Variants in DNAJC15 observed in about 807,000 individuals in gnomAD.
DNAJC15 encodes dnaJ homolog subfamily C member 15.
A neutral mutation model predicts 22.4 loss-of-function variants in DNAJC15; 27 were observed. The observed-to-expected ratio is 1.20, with a 90% CI of 0.89 to 1.66. The LOEUF is 1.66. Ranked by LOEUF, DNAJC15 falls within the 40% of genes most tolerant of loss-of-function variation. The probability of loss-of-function intolerance (pLI) is 0.00; values close to 1 mark genes in which losing one functional copy is unlikely to be tolerated. For synonymous variants in DNAJC15, 79 were observed against 63.2 expected (o/e 1.25, Z -1.19); for missense variants, 208 against 187.1 (o/e 1.11, Z -0.65).
At position 43,081,584 on chromosome 13, in the gene DNAJC15, G is replaced by A. The variant is rs576985253; in HGVS notation, c.311+2896G>A. Among the ~76,000 whole-genome samples the A allele has an allele frequency of 3.1e-3, 464 of 151,764 alleles. 2 individuals are homozygous for A. Among genetic ancestry groups the A allele is most frequent in the African/African-American group, 0.011 (435 of 41,354 alleles). The stretch of plus-strand genomic sequence containing the variant: ...CTCCCAAGTAGCTGGGACTACAGGC[G>A]CCCACCACCACGCCTGGCTAATTTT... On this transcript the variant is annotated intron_variant, in intron 4 of 5. Coordinates refer to ENST00000379221, the MANE Select transcript of DNAJC15 (RefSeq NM_013238.3).
intron 1 of DNAJC15, among the ~76,000 whole-genome samples, chr13:43,032,181 G>C (rs1037181492): frequency 6.6e-6 from 1 of 152,172 alleles, no homozygotes; most frequent in Non-Finnish European, 1.5e-5. Context: ...TGTTTTCACT[G>C]TCCAGTCTTT....
At chr13:43,101,064 T>G (rs1375334224) in intron 5 of DNAJC15, among the ~76,000 whole-genome samples, 1 of 152,238 alleles carries the variant, frequency 6.6e-6, no homozygotes, top group Non-Finnish European at 1.5e-5. Flanking sequence ...CATTAGCCAC[T>G]CTAGCTTTTC....
At chr13:43,070,508 T>G (rs941517402) in intron 3 of DNAJC15, among the ~76,000 whole-genome samples, 30 of 152,096 alleles carry the variant, frequency 2.0e-4, no homozygotes, top group Admixed American at 7.9e-4. Flanking sequence ...CGAGTGCTTT[T>G]GAGAAAACCA....
Position 43,107,338 on chromosome 13 carries a change from A to T in DNAJC15, c.*90A>T. The T allele has an allele frequency of 9.3e-7, 1 of 1,078,502 alleles. No homozygotes were observed. Among genetic ancestry groups the T allele is most frequent in the Non-Finnish European group, 1.3e-6 (1 of 788,552 alleles). 66.8% of individuals were successfully genotyped at this position (1,078,502 alleles called of 1,614,324 possible). ...AATATTCTAAAACATGGTCTTCTTA[A>T]TTTTCTATATGGATTGACCACAGTC... On this transcript the variant is annotated 3_prime_UTR_variant, in exon 6 of 6. Coordinates refer to ENST00000379221, the MANE Select transcript of DNAJC15 (RefSeq NM_013238.3).
At chr13:43,060,714 G>A (rs890757381) in intron 1 of DNAJC15, among the ~76,000 whole-genome samples, 3 of 152,190 alleles carry the variant, frequency 2.0e-5, no homozygotes, top group Admixed American at 6.5e-5. Flanking sequence ...AAAACCAGGA[G>A]CCACTAAATA....
intron 1 of DNAJC15, among the ~76,000 whole-genome samples, chr13:43,026,506 G>C (rs984591981): frequency 4.6e-5 from 7 of 152,078 alleles, no homozygotes; most frequent in African/African-American, 1.7e-4. Flanking sequence ...TGTTGGTCCA[G>C]GCAATGACCA....
At chr13:43,061,012 A>T (rs2040556317) in intron 1 of DNAJC15, among the ~76,000 whole-genome samples, 1 of 152,164 alleles carries the variant, frequency 6.6e-6, no homozygotes, top group Non-Finnish European at 1.5e-5. Flanking sequence ...ATGGGGCCTG[A>T]GAAATTCCTG....
intron 1 of DNAJC15, among the ~76,000 whole-genome samples, chr13:43,052,327 G>A (rs917121793): frequency 2.0e-5 from 3 of 152,034 alleles, no homozygotes; most frequent in African/African-American, 7.2e-5. Flanking sequence ...TTATGGGTTT[G>A]ATTTGCATTT....
At chr13:43,065,787 T>G in intron 2 of DNAJC15, 50 bp downstream of exon 2, 1 of 1,552,508 alleles carries the variant, frequency 6.4e-7, no homozygotes, top group Non-Finnish European at 8.9e-7. Flanking sequence ...TCTTTCCAAA[T>G]AGCATCTACA....
At chr13:43,100,237 T>TC (rs2040761078) in intron 5 of DNAJC15, among the ~76,000 whole-genome samples, 1 of 143,318 alleles carries the variant, frequency 7.0e-6, no homozygotes, top group Admixed American at 7.2e-5. Flanking sequence ...AAACAGGGTC[T>TC]CACTCTGTCA....
intron 1 of DNAJC15, among the ~76,000 whole-genome samples, chr13:43,042,546 A>G (rs1350766680): frequency 6.6e-6 from 1 of 152,212 alleles, no homozygotes; most frequent in Admixed American, 6.5e-5. Flanking sequence ...CAAGTGCTCC[A>G]GCTCCCAAAC....
chr13:43,062,106 G>A (rs977764561), intron 1 of DNAJC15, among the ~76,000 whole-genome samples: 3 of 151,972 alleles, frequency 2.0e-5, no homozygotes, highest in African/African-American at 7.2e-5. Context: ...TGTTTTCAGA[G>A]GTGTGACCAT....
At chr13:43,032,725 T>A (rs547013915) in intron 1 of DNAJC15, among the ~76,000 whole-genome samples, 7 of 152,260 alleles carry the variant, frequency 4.6e-5, no homozygotes, top group Admixed American at 1.3e-4. Flanking sequence ...CTCGGGAGGC[T>A]GAGGCAGGAG....
intron 4 of DNAJC15, among the ~76,000 whole-genome samples, chr13:43,080,550 C>T (rs137943220): frequency 1.3e-5 from 2 of 152,340 alleles, no homozygotes; most frequent in Non-Finnish European, 2.9e-5. Flanking sequence ...TTACTAACTA[C>T]TCAATAAATA....
chr13:43,074,373 AT>A (rs1447710954), intron 3 of DNAJC15, among the ~76,000 whole-genome samples: 1 of 152,242 alleles, frequency 6.6e-6, no homozygotes, highest in Non-Finnish European at 1.5e-5. Flanking sequence ...TATTTTATGA[AT>A]GGGATAGTAC....
At chr13:43,051,465 A>G (rs1408111550) in intron 1 of DNAJC15, among the ~76,000 whole-genome samples, 3 of 152,216 alleles carry the variant, frequency 2.0e-5, no homozygotes, top group Admixed American at 6.5e-5. Context: ...CGTTGTATCA[A>G]TTCTTATGCC....
At chr13:43,072,079 C>G (rs1276714057) in intron 3 of DNAJC15, among the ~76,000 whole-genome samples, 2 of 152,168 alleles carry the variant, frequency 1.3e-5, no homozygotes, top group African/African-American at 4.8e-5. Flanking sequence ...ATACTCACAG[C>G]TAGATTTTTT....
chr13:43,077,536 C>T (rs2040639275), intron 3 of DNAJC15, among the ~76,000 whole-genome samples: 1 of 152,128 alleles, frequency 6.6e-6, no homozygotes, highest in African/African-American at 2.4e-5. Flanking sequence ...TATAAGAAGT[C>T]CAAGGACTGA....
chr13:43,063,657 T>TTGTC (rs5803163), intron 1 of DNAJC15, among the ~76,000 whole-genome samples: 83,653 of 151,424 alleles, frequency 0.55, 23,364 homozygotes, highest in African/African-American at 0.66. Flanking sequence ...TTCTATTTGG[T>TTGTC]TGTCTTTTTA....
Sources: allele counts gnomAD v4.1 joint callset (sites outside exome capture counted in the v4.1 genomes callset), GRCh38; gene constraint gnomAD v4.1.1; transcripts MANE v1.5; gene names NCBI Gene and HGNC (gene_info 2026-07-23, HGNC 2026-07-21).